HNRNPM: variants seen among roughly 807,000 people sequenced by gnomAD.
HNRNPM encodes CEA receptor.
HNRNPM carries 11 observed loss-of-function variants against 73.1 expected under a neutral mutation model. That is an observed-to-expected ratio of 0.15 (90% CI 0.09 to 0.25). The LOEUF is 0.25. Ranked by LOEUF, HNRNPM falls within the 10% of genes least tolerant of loss-of-function variation. The pLI is 1.00. For synonymous variants in HNRNPM, 407 were observed against 355.2 expected (o/e 1.15, Z -1.64); for missense variants, 789 against 1,067.9 (o/e 0.74, Z 3.64).
At chr19:8,478,922 A>G (rs537419455) in intron 12 of HNRNPM, among the ~76,000 whole-genome samples, 3 of 152,232 alleles carry the variant, frequency 2.0e-5, no homozygotes, top group South Asian at 2.1e-4. Context: ...TGAGTTGTGC[A>G]CTTGCTGATG....
rs1252966805 is a variant in HNRNPM at position 8,485,777 on chromosome 19, T to G, written c.1349T>G (p.Met450Arg). Residue 450 changes from methionine (M) to arginine (R), a missense_variant, in exon 14 of 16, where the codon ATG becomes AGG. Met to Arg is a moderately conservative substitution (Grantham distance 91, BLOSUM62 -1). Coordinates refer to ENST00000325495, the MANE Select transcript of HNRNPM (RefSeq NM_005968.5). ...GACCGCATGGGCTCCGTGGAGCGCA[T>G]GGGCTCCGGCATTGAGCGCATGGGC... ...VMDRMGSVERMGSGIERMGPL... is the reference protein window; with the variant it reads ...VMDRMGSVERRGSGIERMGPL... The G allele has an allele frequency of 6.2e-7, 1 of 1,601,296 alleles. No individual in the cohort carries two copies. Among genetic ancestry groups the G allele is most frequent in the Non-Finnish European group, 8.5e-7 (1 of 1,178,814 alleles).
Position 8,488,931 on chromosome 19 carries a change from C to T in HNRNPM, c.*77C>T. 7.5e-7 allele frequency: 1 copy of T among 1,326,802 alleles called. No homozygotes were observed. The highest frequency in any genetic ancestry group is 1.5e-5 in the South Asian group (1 of 68,800). 82.2% of individuals were successfully genotyped at this position (1,326,802 alleles called of 1,614,324 possible). On this transcript the variant is annotated 3_prime_UTR_variant, in exon 16 of 16. Transcript: ENST00000325495. ...CTTGTTAACCATTTTAATTTGTTGG[C>T]TGGATGTATAAAGATGTTTAAAAAA...
At position 8,484,262 on chromosome 19, in the gene HNRNPM, C is replaced by T. The variant is rs529735791; in HGVS notation, c.1174+1051C>T. The stretch of plus-strand genomic sequence containing the variant: ...CACGATCTCGGCTCACTGTGACCTC[C>T]GTCTCCTGGGTTCAAGCGATTCTCC... On this transcript the variant is annotated intron_variant, in intron 13 of 15. Transcript: ENST00000325495. 1.5e-4 allele frequency among the ~76,000 whole-genome samples: 22 copies of T among 150,316 alleles called. 1 individual carries two copies. The highest frequency in any genetic ancestry group is 5.1e-4 in the African/African-American group (21 of 40,840).
At chr19:8,454,613 A>G (rs1048016729) in intron 1 of HNRNPM, among the ~76,000 whole-genome samples, 30 of 149,728 alleles carry the variant, frequency 2.0e-4, no homozygotes, top group Non-Finnish European at 1.0e-4. Flanking sequence ...GGGTCATAGT[A>G]ATTCTGTGTT....
At chr19:8,454,683 C>G (rs1432506488) in intron 1 of HNRNPM, among the ~76,000 whole-genome samples, 1 of 124,204 alleles carries the variant, frequency 8.1e-6, no homozygotes, top group Non-Finnish European at 1.8e-5. Context: ...GCCCCCCCCC[C>G]CTTTTTTTTT....
At chr19:8,471,831 G>GT (rs1275985835) in intron 10 of HNRNPM, among the ~76,000 whole-genome samples, 2 of 152,136 alleles carry the variant, frequency 1.3e-5, no homozygotes, top group Non-Finnish European at 2.9e-5. Context: ...GGCCCTCCTG[G>GT]TGTTTGCACA....
At chr19:8,483,086 A>G in intron 12 of HNRNPM, 72 bp from the exon 13 acceptor site, 1 of 929,926 alleles carries the variant, frequency 1.1e-6, no homozygotes, top group Non-Finnish European at 1.7e-6. Context: ...TCTACTCTGG[A>G]ATCTGTAATG....
At position 8,486,157 on chromosome 19, in the gene HNRNPM, G is replaced by T; in HGVS notation, c.1729G>T (p.Glu577Ter). The stretch of plus-strand genomic sequence containing the variant: ...GGAGCGCATGGGCGCCAACAGCCTC[G>T]AGCGCATGGGCCTGGAGCGCATGGG... ...GLERMGANSL[E>*]RMGLERMGAN... is the part of the protein sequence containing the mutation. The change falls in exon 14 of 16, where the codon GAG becomes TAG. Residue 577 changes from glutamate (E) to a stop codon, truncating the protein, a stop_gained. Transcript: ENST00000325495. LOFTEE classifies it high-confidence loss of function. 6.2e-7 allele frequency: 1 copy of T among 1,605,842 alleles called. No individual in the cohort carries two copies. The highest frequency in any genetic ancestry group is 8.5e-7 in the Non-Finnish European group (1 of 1,179,270).
At chr19:8,474,714 C>T (rs1160832289) in intron 12 of HNRNPM, among the ~76,000 whole-genome samples, 1 of 117,852 alleles carries the variant, frequency 8.5e-6, no homozygotes, top group Admixed American at 8.9e-5. Flanking sequence ...CCTCCACCAA[C>T]TTTTTTTTTT....
chr19:8,466,310 C>T lies in HNRNPM; in HGVS notation c.706C>T (p.Leu236Phe). 1 of 1,614,070 alleles carries T rather than the reference C, an allele frequency of 6.2e-7. No homozygotes were observed. ...TGGTGTGGTGGTCCGAGCAGACATT[C>T]TTGAAGATAAAGATGGAAAAAGTCG... is the stretch of plus-strand genomic sequence containing the variant. ...MAGVVVRADI[L>F]EDKDGKSRGI... Residue 236 changes from leucine (L) to phenylalanine (F), a missense_variant, in exon 7 of 16, where the codon CTT (leucine) becomes TTT (phenylalanine). Physicochemically the swap from Leu to Phe is conservative, Grantham distance 22 (BLOSUM62 0). Transcript: ENST00000325495.
chr19:8,479,179 G>A (rs908011986), intron 12 of HNRNPM, among the ~76,000 whole-genome samples: 2 of 136,368 alleles, frequency 1.5e-5, no homozygotes, highest in African/African-American at 2.7e-5. Context: ...TCCACCTCCC[G>A]GTTTCAAGTG....
In HNRNPM at chr19:8,485,651, T is replaced by A. The variant is rs1215219325; in HGVS notation, c.1223T>A (p.Ile408Asn). 1 of 1,607,610 alleles carries A rather than the reference T, an allele frequency of 6.2e-7. No individual in the cohort carries two copies. Among genetic ancestry groups the A allele is most frequent in the Admixed American group, 1.7e-5 (1 of 59,976 alleles). Residue 408 changes from isoleucine (I) to asparagine (N), a missense_variant, in exon 14 of 16, where the codon ATT becomes AAT. Physicochemically the swap from Ile to Asn is moderately radical, Grantham distance 149. Around this residue, in one of 4 missense-constraint regions of HNRNPM, gnomAD observed 604 missense variants for 744.0 expected, o/e 0.81. Coordinates refer to ENST00000325495, the MANE Select transcript of HNRNPM (RefSeq NM_005968.5). ...GGGATCGAGAGGATGGGTCCTGGCA[T>A]TGACCGCCTCGGGGGTGCCGGCATG... ...VPGIERMGPGIDRLGGAGMER... is the reference protein window; with the variant it reads ...VPGIERMGPGNDRLGGAGMER...
intron 12 of HNRNPM, among the ~76,000 whole-genome samples, chr19:8,478,691 G>A (rs1970682995): frequency 6.6e-6 from 1 of 152,202 alleles, no homozygotes; most frequent in Non-Finnish European, 1.5e-5. Flanking sequence ...TTGTCTTTAA[G>A]TCTTTTCAGA....
At position 8,462,670 on chromosome 19, in the gene HNRNPM, C is replaced by A; in HGVS notation, c.336+89C>A. The A allele has an allele frequency of 2.8e-6, 3 of 1,077,984 alleles. No individual in the cohort carries two copies. Among genetic ancestry groups the A allele is most frequent in the Non-Finnish European group, 4.3e-6 (3 of 691,728 alleles). 66.8% of individuals were successfully genotyped at this position (1,077,984 alleles called of 1,614,324 possible). Reference sequence around the variant, plus strand: ...GTGGAATCGAATGAAATCAGGAAGGCAGTGAGTGCTCATGTTACAGTAGCT... The same window carrying A: ...GTGGAATCGAATGAAATCAGGAAGGAAGTGAGTGCTCATGTTACAGTAGCT... On this transcript the variant is annotated intron_variant, in intron 3 of 15. Transcript: ENST00000325495. The surrounding 1 kb of genome is among the most constrained non-coding windows in gnomAD (Gnocchi z 4.5).
intron 12 of HNRNPM, among the ~76,000 whole-genome samples, chr19:8,480,550 C>T (rs544680870): frequency 1.3e-5 from 2 of 151,474 alleles, no homozygotes; most frequent in East Asian, 3.9e-4. Context: ...GCTGTAATCC[C>T]AGCTATTCAG....
At position 8,450,853 on chromosome 19, in the gene HNRNPM, G is replaced by A. The variant is rs543072879; in HGVS notation, c.114-4552G>A. Among the ~76,000 whole-genome samples, 148 of 150,626 alleles carry A rather than the reference G, an allele frequency of 9.8e-4. 1 individual carries two copies. The highest frequency in any genetic ancestry group is 2.1e-3 in the Non-Finnish European group (140 of 67,714). ...TTCTCCTGCCTCAGCCTCCCAAGTA[G>A]CGAGTAGCTAGGATTACAGGCACCC... On this transcript the variant is annotated intron_variant, in intron 1 of 15. Transcript: ENST00000325495.
chr19:8,483,316 C>T (rs947915101), intron 13 of HNRNPM, 105 bp downstream of exon 13: 22 of 841,616 alleles, frequency 2.6e-5, no homozygotes, highest in African/African-American at 8.5e-5. Flanking sequence ...ACAGACTGCC[C>T]GGGGTGGGAG....
rs536905451 is a variant in HNRNPM, at chr19:8,483,565, A to G, written c.1174+354A>G. Among the ~76,000 whole-genome samples, 124 of 152,332 alleles carry G rather than the reference A, an allele frequency of 8.1e-4. 2 individuals are homozygous for G. The South Asian group carries it at 0.025, about 31-fold the overall frequency. Reference sequence around the variant, plus strand: ...ACATTATAAATTCCTAAAAGTAAATATATTTTCCTTAGACTTGATGATAAG... The same window carrying G: ...ACATTATAAATTCCTAAAAGTAAATGTATTTTCCTTAGACTTGATGATAAG... On this transcript the variant is annotated intron_variant, in intron 13 of 15. Transcript: ENST00000325495.
intron 13 of HNRNPM, among the ~76,000 whole-genome samples, chr19:8,484,861 G>A (rs1231963956): frequency 1.3e-5 from 2 of 152,134 alleles, no homozygotes; most frequent in Non-Finnish European, 2.9e-5. Flanking sequence ...AGCACCACGG[G>A]TGGGGGCGTC....
Sources: allele counts gnomAD v4.1 joint callset (sites outside exome capture counted in the v4.1 genomes callset), GRCh38; gene constraint gnomAD v4.1.1; regional missense constraint gnomAD v4.1.1; non-coding constraint Gnocchi (gnomAD v3.1); transcripts MANE v1.5; gene names NCBI Gene and HGNC (gene_info 2026-07-23, HGNC 2026-07-21).